Variants in NELL1 observed in about 807,000 individuals in gnomAD.
The protein encoded by NELL1 is neural EGFL like 1, also known as protein kinase C-binding protein NELL1.
A neutral mutation model predicts 107.4 loss-of-function variants in NELL1; 76 were observed. The ratio of observed to expected loss-of-function variants is 0.71; its 90% CI spans 0.59 to 0.86. The LOEUF (loss-of-function observed/expected upper bound fraction) is 0.86, where lower values mean the gene tolerates loss of function less well. Ranked by LOEUF, NELL1 falls within the 40% of genes least tolerant of loss-of-function variation. The pLI is 0.00. For missense variants in NELL1, 1,024 were observed against 1,005.5 expected (o/e 1.02, Z -0.25); for synonymous variants, 353 against 341.2 (o/e 1.03, Z -0.38).
intron 13 of NELL1, among the ~76,000 whole-genome samples, chr11:21,212,410 C>A (rs1048897642): frequency 2.0e-5 from 3 of 152,102 alleles, no homozygotes. Context: ...ACACTAGAGT[C>A]TTTTGGTTCC....
chr11:21,484,119 A>AT lies in NELL1; in HGVS notation c.1646-50248dup, dbSNP rs994793878. On this transcript the variant is annotated intron_variant, in intron 15 of 19. Transcript: ENST00000357134. Reference sequence around the variant, plus strand: ...TCTTGAGTAGCGGAACTTAAGGATAATTTTTTTCCCATGCTATATTTTTTT... The same window carrying AT: ...TCTTGAGTAGCGGAACTTAAGGATAATTTTTTTTCCCATGCTATATTTTTTT... Among the ~76,000 whole-genome samples, 9 of 147,042 alleles carry AT rather than the reference A, an allele frequency of 6.1e-5. No homozygotes were observed. In the East Asian group the frequency reaches 1.0e-3, roughly 16 times the overall value.
At chr11:21,282,896 A>G (rs1287244738) in intron 14 of NELL1, among the ~76,000 whole-genome samples, 3 of 152,218 alleles carry the variant, frequency 2.0e-5, no homozygotes, top group Non-Finnish European at 2.9e-5. Context: ...ACTGGAGGTC[A>G]TTATGTTAAG....
At chr11:21,513,552 TA>T (rs1855491099) in intron 15 of NELL1, among the ~76,000 whole-genome samples, 1 of 152,162 alleles carries the variant, frequency 6.6e-6, no homozygotes, top group Non-Finnish European at 1.5e-5. Context: ...AACTGCAAAA[TA>T]GGCCTAGTTT....
chr11:21,068,100 C>CTTTAAGTACATTTTTCTCATAGATG (rs1434882726), intron 12 of NELL1, among the ~76,000 whole-genome samples: 2 of 132,538 alleles, frequency 1.5e-5, no homozygotes, highest in African/African-American at 5.6e-5. Context: ...AGATTTGTTG[C>CTTTAAGTACATTTTTCTCATAGATG]TTTAAGTACA....
chr11:21,423,262 C>T (rs879751728), intron 15 of NELL1, among the ~76,000 whole-genome samples: 5 of 151,814 alleles, frequency 3.3e-5, no homozygotes, highest in African/African-American at 1.2e-4. Context: ...CCCAGCTACT[C>T]GGGAGGCTGA....
intron 14 of NELL1, among the ~76,000 whole-genome samples, chr11:21,311,507 C>T (rs1849749006): frequency 6.6e-6 from 1 of 152,002 alleles, no homozygotes; most frequent in South Asian, 2.1e-4. Flanking sequence ...TCTCTTTTTA[C>T]ACAAATATTA....
intron 2 of NELL1, among the ~76,000 whole-genome samples, chr11:20,721,599 G>A (rs1047620463): frequency 2.0e-5 from 3 of 152,116 alleles, no homozygotes; most frequent in Admixed American, 6.6e-5. Context: ...AAGTCTTATC[G>A]CCAAGCCTTA....
chr11:21,422,640 A>T (rs1408695654), intron 15 of NELL1, among the ~76,000 whole-genome samples: 1 of 152,200 alleles, frequency 6.6e-6, no homozygotes, highest in East Asian at 1.9e-4. Flanking sequence ...AAAGTTTAGG[A>T]TGTTAAATGT....
At chr11:20,876,729 C>G (rs1849311410) in intron 4 of NELL1, among the ~76,000 whole-genome samples, 1 of 152,124 alleles carries the variant, frequency 6.6e-6, no homozygotes, top group Non-Finnish European at 1.5e-5. Flanking sequence ...CGCCACTGCA[C>G]TACAGCCTGG....
chr11:20,675,641 C>T (rs898811290), intron 1 of NELL1, among the ~76,000 whole-genome samples: 3 of 152,102 alleles, frequency 2.0e-5, no homozygotes, highest in East Asian at 1.9e-4. Context: ...TTAATTTCTG[C>T]CCTTAAGCAT....
intron 17 of NELL1, among the ~76,000 whole-genome samples, chr11:21,562,781 C>T (rs1347298935): frequency 7.1e-6 from 1 of 140,416 alleles, no homozygotes; most frequent in Admixed American, 7.2e-5. Context: ...TATGCAACAG[C>T]AGAATTACAC....
intron 14 of NELL1, among the ~76,000 whole-genome samples, chr11:21,243,919 C>T (rs1858426601): frequency 6.6e-6 from 1 of 152,068 alleles, no homozygotes; most frequent in Admixed American, 6.6e-5. Flanking sequence ...GCAGGGCACC[C>T]TTAAAATGAA....
chr11:20,863,504 ACGGGG>A (rs1238180367), intron 4 of NELL1, among the ~76,000 whole-genome samples: 2 of 148,724 alleles, frequency 1.3e-5, no homozygotes, highest in Non-Finnish European at 3.0e-5. Flanking sequence ...CACCTCCCAG[ACGGGG>A]TCGCGGCCGG....
intron 2 of NELL1, among the ~76,000 whole-genome samples, chr11:20,712,990 C>G (rs537031102): frequency 1.3e-5 from 2 of 152,206 alleles, no homozygotes; most frequent in Non-Finnish European, 2.9e-5. Context: ...CAGACAGGAC[C>G]TCTGGTTAGC....
intron 3 of NELL1, among the ~76,000 whole-genome samples, chr11:20,845,790 T>G (rs554206956): frequency 1.6e-4 from 24 of 152,144 alleles, no homozygotes; most frequent in African/African-American, 4.8e-4. Flanking sequence ...ACCCTTTTTT[T>G]GGGGGGGCCG....
At chr11:21,564,160 G>T (rs1421495266) in intron 17 of NELL1, among the ~76,000 whole-genome samples, 2 of 151,944 alleles carry the variant, frequency 1.3e-5, no homozygotes, top group African/African-American at 2.4e-5. Context: ...GTCAAGGTCT[G>T]ATTGACAGCA....
At chr11:20,925,359 C>T (rs957941784) in intron 7 of NELL1, among the ~76,000 whole-genome samples, 10 of 151,816 alleles carry the variant, frequency 6.6e-5, no homozygotes, top group African/African-American at 2.4e-4. Context: ...TGGCCTGCTG[C>T]AACCTCTGCC....
At chr11:20,883,169 A>G (rs1340721735) in intron 4 of NELL1, among the ~76,000 whole-genome samples, 1 of 152,210 alleles carries the variant, frequency 6.6e-6, no homozygotes, top group Non-Finnish European at 1.5e-5. Context: ...CTTCCTTGGC[A>G]TCAGGATGGT....
At chr11:21,564,657 A>G (rs1856928685) in intron 17 of NELL1, among the ~76,000 whole-genome samples, 1 of 151,890 alleles carries the variant, frequency 6.6e-6, no homozygotes, top group Non-Finnish European at 1.5e-5. Flanking sequence ...AAACAAAGTA[A>G]TACTAAAGAC....
Sources: allele counts gnomAD v4.1 joint callset (sites outside exome capture counted in the v4.1 genomes callset), GRCh38; gene constraint gnomAD v4.1.1; transcripts MANE v1.5; gene names NCBI Gene and HGNC (gene_info 2026-07-23, HGNC 2026-07-21).